RICTOR: variants seen among roughly 807,000 people sequenced by gnomAD.
RICTOR encodes the protein rapamycin-insensitive companion of mTOR.
Under a neutral mutation model 214.9 loss-of-function variants are expected in RICTOR, and 49 were observed. The observed-to-expected ratio is 0.23, with a 90% confidence interval of 0.18 to 0.29. The LOEUF (loss-of-function observed/expected upper bound fraction) is 0.29, where lower values mean the gene tolerates loss of function less well. Ranked by LOEUF, RICTOR falls within the 10% of genes least tolerant of loss-of-function variation. The probability of loss-of-function intolerance (pLI) is 1.00; values close to 1 mark genes in which losing one functional copy is unlikely to be tolerated. For missense variants in RICTOR, 1,625 were observed against 2,047.0 expected (o/e 0.79, Z 3.98); for synonymous variants, 717 against 711.3 (o/e 1.01, Z -0.13).
intron 6 of RICTOR, among the ~76,000 whole-genome samples, chr5:38,993,745 A>G (rs188874277): frequency 6.6e-6 from 1 of 152,236 alleles, no homozygotes; most frequent in Non-Finnish European, 1.5e-5. Context: ...AGCATCCCTA[A>G]TCCAAAAATC....
chr5:39,038,068 CAAT>C (rs1756869913), intron 2 of RICTOR, among the ~76,000 whole-genome samples: 1 of 152,170 alleles, frequency 6.6e-6, no homozygotes. Context: ...CAAAAATTCT[CAAT>C]AAAATACTGG....
At chr5:39,046,505 C>T (rs1261962021) in intron 2 of RICTOR, among the ~76,000 whole-genome samples, 1 of 144,856 alleles carries the variant, frequency 6.9e-6, no homozygotes, top group East Asian at 2.1e-4. Context: ...ATCTCCTAAA[C>T]TTCATCAACC....
intron 2 of RICTOR, among the ~76,000 whole-genome samples, chr5:39,061,900 T>C (rs963027657): frequency 6.6e-6 from 1 of 151,980 alleles, no homozygotes; most frequent in Non-Finnish European, 1.5e-5. Context: ...AATATGACCA[T>C]GAAACAACAA....
intron 16 of RICTOR, among the ~76,000 whole-genome samples, chr5:38,964,214 C>G (rs969270855): frequency 4.6e-5 from 7 of 151,720 alleles, no homozygotes; most frequent in Non-Finnish European, 1.0e-4. Flanking sequence ...CTAGCACTTC[C>G]CAATTGAACC....
chr5:39,055,310 A>AT (rs1156622904), intron 2 of RICTOR, among the ~76,000 whole-genome samples: 3 of 151,446 alleles, frequency 2.0e-5, no homozygotes, highest in South Asian at 4.2e-4. Flanking sequence ...TGATAGTCAC[A>AT]TTTTTTTGGC....
intron 3 of RICTOR, among the ~76,000 whole-genome samples, chr5:39,017,795 C>T (rs894368507): frequency 2.0e-5 from 3 of 152,096 alleles, no homozygotes; most frequent in Admixed American, 6.6e-5. Flanking sequence ...AGTTCAATTA[C>T]TTGACAAAGA....
At chr5:39,074,248 C>T (rs999126241) in intron 1 of RICTOR, 81 bp downstream of exon 1, 5 of 1,583,902 alleles carry the variant, frequency 3.2e-6, no homozygotes, top group Admixed American at 1.7e-5. Flanking sequence ...CGGCTCGCTC[C>T]CCAACCCAGG....
chr5:39,049,741 C>G (rs1007430773), intron 2 of RICTOR, among the ~76,000 whole-genome samples: 1 of 151,356 alleles, frequency 6.6e-6, no homozygotes, highest in Non-Finnish European at 1.5e-5. Context: ...AATATCATAA[C>G]TGAAATAACT....
At position 38,952,980 on chromosome 5, in the gene RICTOR, C is replaced by T. The variant is rs1748919059; in HGVS notation, c.2897+5G>A. The T allele has an allele frequency of 1.3e-6, 2 of 1,549,010 alleles. No individual in the cohort carries two copies. The highest frequency in any genetic ancestry group is 1.8e-6 in the Non-Finnish European group (2 of 1,124,208). On this transcript the variant is annotated splice_donor_5th_base_variant and intron_variant, in intron 29 of 37. Transcript: ENST00000357387. ...TTAGAAAGATTTCTGAGTTAAATGA[C>T]CTACCCTCTGATGGAAAGAACTTCA...
intron 21 of RICTOR, 117 bp downstream of exon 21, chr5:38,959,662 C>A: frequency 4.6e-6 from 3 of 653,842 alleles, no homozygotes; most frequent in South Asian, 2.2e-5. Context: ...AAAGATAATG[C>A]TAATTTAAAA....
At position 38,990,630 on chromosome 5, in the gene RICTOR, T is replaced by TCAC. The variant is rs1561501555; in HGVS notation, c.583+318_583+319insGTG. The stretch of plus-strand genomic sequence containing the variant: ...TGATATATATACGATATATGATATA[T>TCAC]ATATCTGACATATATCAGATATATG... On this transcript the variant is annotated intron_variant, in intron 7 of 37. Coordinates refer to ENST00000357387, the MANE Select transcript of RICTOR (RefSeq NM_152756.5). 4.2e-4 allele frequency among the ~76,000 whole-genome samples: 33 copies of TCAC among 78,838 alleles called. 1 individual carries two copies. Among genetic ancestry groups the TCAC allele is most frequent in the African/African-American group, 1.3e-3 (30 of 23,730 alleles). 51.7% of individuals were successfully genotyped at this position (78,838 alleles called of 152,430 possible). A position where few individuals can be genotyped will look rare whatever the true frequency, so the allele number is the denominator to read the frequency against.
intron 5 of RICTOR, among the ~76,000 whole-genome samples, chr5:38,997,353 T>A (rs1211648687): frequency 6.6e-6 from 1 of 152,208 alleles, no homozygotes; most frequent in African/African-American, 2.4e-5. Context: ...GAATTCTGAA[T>A]TCACTTCAAA....
intron 7 of RICTOR, among the ~76,000 whole-genome samples, chr5:38,987,608 C>T (rs560833372): frequency 3.3e-5 from 5 of 152,072 alleles, no homozygotes; most frequent in Non-Finnish European, 7.4e-5. Context: ...CTCTTTTCTT[C>T]TTTATTAGTC....
chr5:38,938,451 T>C lies in RICTOR; in HGVS notation c.*3853A>G. The stretch of plus-strand genomic sequence containing the variant: ...TGCATTTTGTGCTAAATCAACCAAG[T>C]AGCAAAATTGAAAGGTATGCTTTTT... On this transcript the variant is annotated 3_prime_UTR_variant, in exon 38 of 38. Coordinates refer to ENST00000357387, the MANE Select transcript of RICTOR (RefSeq NM_152756.5). The C allele has an allele frequency of 4.3e-6, 1 of 231,790 alleles. No homozygotes were observed. The allele number at this position is 231,790 out of a possible 1,614,324, so 14.4% of individuals were successfully genotyped here. A position where few individuals can be genotyped will look rare whatever the true frequency, so the allele number is the denominator to read the frequency against.
At chr5:39,051,248 GTTAT>G (rs1278192013) in intron 2 of RICTOR, among the ~76,000 whole-genome samples, 1 of 152,104 alleles carries the variant, frequency 6.6e-6, no homozygotes, top group Admixed American at 6.5e-5. Flanking sequence ...ATAAATAACT[GTTAT>G]TTGTTTATTA....
intron 2 of RICTOR, among the ~76,000 whole-genome samples, chr5:39,047,740 C>T (rs1238822052): frequency 6.6e-6 from 1 of 152,108 alleles, no homozygotes; most frequent in African/African-American, 2.4e-5. Flanking sequence ...AACAGGTCAG[C>T]TTATTTATGG....
chr5:39,063,994 A>C (rs1292654878), intron 2 of RICTOR, among the ~76,000 whole-genome samples: 1 of 152,200 alleles, frequency 6.6e-6, no homozygotes, highest in African/African-American at 2.4e-5. Context: ...AAATGTCATC[A>C]TTCCAGGTAC....
intron 7 of RICTOR, among the ~76,000 whole-genome samples, chr5:38,985,202 C>G (rs1752071061): frequency 1.3e-5 from 2 of 152,112 alleles, no homozygotes; most frequent in Non-Finnish European, 1.5e-5. Context: ...CCGATGATAC[C>G]AAAATTCTCA....
chr5:38,954,480 A>G (rs1749064872), intron 27 of RICTOR, among the ~76,000 whole-genome samples: 1 of 151,914 alleles, frequency 6.6e-6, no homozygotes, highest in Non-Finnish European at 1.5e-5. Context: ...TTTCTCCACT[A>G]AACTCTAAAA....
Sources: gnomAD v4.1 joint callset for allele counts (sites outside exome capture counted in the v4.1 genomes callset) on GRCh38, gnomAD v4.1.1 for gene constraint, MANE v1.5 for transcripts, NCBI Gene and HGNC (gene_info 2026-07-23, HGNC 2026-07-21) for gene names.